Variants in LRRC7 observed in about 807,000 individuals in gnomAD.
LRRC7 encodes the protein leucine rich repeat containing 7.
A neutral mutation model predicts 175.7 loss-of-function variants in LRRC7; 23 were observed. The ratio of observed to expected loss-of-function variants is 0.13; its 90% CI spans 0.09 to 0.19. LRRC7 has a LOEUF of 0.19. Ranked by LOEUF, LRRC7 falls within the 10% of genes least tolerant of loss-of-function variation. LRRC7 has a pLI of 1.00. For missense variants in LRRC7, 1,354 were observed against 1,904.7 expected, an observed-to-expected ratio of 0.71 and a Z score of 5.38; for synonymous variants, 685 against 680.9, an observed-to-expected ratio of 1.01 and a Z score of -0.09.
intron 1 of LRRC7, among the ~76,000 whole-genome samples, chr1:69,572,237 C>T (rs1645767958): frequency 6.6e-6 from 1 of 152,072 alleles, no homozygotes; most frequent in South Asian, 2.1e-4. Flanking sequence ...CAGTCAACAT[C>T]AGTCTTCAAT....
At chr1:70,027,823 AAC>A (rs1321607133) in intron 17 of LRRC7, among the ~76,000 whole-genome samples, 108 of 152,340 alleles carry the variant, frequency 7.1e-4, no homozygotes, top group African/African-American at 2.5e-3. Flanking sequence ...TAGGGAAGAG[AAC>A]AGTGTCTAAA....
At chr1:69,998,504 C>T (rs1316078738) in intron 11 of LRRC7, among the ~76,000 whole-genome samples, 1 of 152,062 alleles carries the variant, frequency 6.6e-6, no homozygotes, top group Non-Finnish European at 1.5e-5. Context: ...GCAAAGAGAA[C>T]TTAAGTTTAG....
chr1:70,023,460 TG>T, intron 17 of LRRC7, 86 bp downstream of exon 17: 1 of 1,316,162 alleles, frequency 7.6e-7, no homozygotes, highest in Non-Finnish European at 1.0e-6. Context: ...CTGCATGATT[TG>T]GGGTAAGAAA....
At position 69,568,618 on chromosome 1, in the gene LRRC7, TG is replaced by T; in HGVS notation, c.-19del. 7.4e-7 allele frequency: 1 copy of T among 1,351,164 alleles called. No homozygotes were observed. The highest frequency in any genetic ancestry group is 9.8e-7 in the Non-Finnish European group (1 of 1,015,680). The allele number at this position is 1,351,164 out of a possible 1,614,324, so 83.7% of individuals were successfully genotyped here. On this transcript the variant is annotated 5_prime_UTR_variant, in exon 1 of 27. Transcript: ENST00000651989. ...CACGACTACGCTCTCCGAAACCTCA[TG>T]GGCAGTTTCTCCCGCCGGCGATGTG...
intron 2 of LRRC7, among the ~76,000 whole-genome samples, chr1:69,751,257 A>G (rs1289522264): frequency 4.6e-5 from 7 of 152,200 alleles, no homozygotes; most frequent in African/African-American, 1.7e-4. Flanking sequence ...AGCAGGCACC[A>G]TAGCTTTTTA....
chr1:69,788,709 C>A (rs532636058), intron 3 of LRRC7, among the ~76,000 whole-genome samples: 2 of 152,130 alleles, frequency 1.3e-5, no homozygotes, highest in South Asian at 4.1e-4. Flanking sequence ...CATTTTTTCA[C>A]ACCTTTCCTA....
intron 23 of LRRC7, among the ~76,000 whole-genome samples, chr1:70,054,699 A>T (rs1158541920): frequency 7.0e-6 from 1 of 142,538 alleles, no homozygotes; most frequent in Non-Finnish European, 1.5e-5. Flanking sequence ...TCCCAGGTTC[A>T]CGCCATTCTC....
At chr1:69,949,873 A>T (rs1649736133) in intron 8 of LRRC7, among the ~76,000 whole-genome samples, 1 of 152,106 alleles carries the variant, frequency 6.6e-6, no homozygotes, top group African/African-American at 2.4e-5. Context: ...GACATCCCAG[A>T]GGGACTCGTT....
chr1:69,968,826 GT>G (rs111997533), intron 8 of LRRC7, among the ~76,000 whole-genome samples: 42 of 147,410 alleles, frequency 2.8e-4, no homozygotes, highest in African/African-American at 5.7e-4. Context: ...TTTTGTTTTT[GT>G]TTTTTTTTTG....
chr1:69,584,423 C>T (rs1315534610), intron 1 of LRRC7, among the ~76,000 whole-genome samples: 1 of 152,066 alleles, frequency 6.6e-6, no homozygotes, highest in Non-Finnish European at 1.5e-5. Flanking sequence ...TAGTAGCATG[C>T]ATAGTTGAAT....
At chr1:69,678,619 CAT>C in intron 2 of LRRC7, 141 bp downstream of exon 2, 1 of 610,588 alleles carries the variant, frequency 1.6e-6, no homozygotes, top group Middle Eastern at 3.4e-4. Flanking sequence ...AATAAGTTAC[CAT>C]ATGTTACCTG....
intron 7 of LRRC7, chr1:69,839,091 A>T: frequency 3.4e-6 from 1 of 291,022 alleles, no homozygotes; most frequent in South Asian, 3.1e-5. Context: ...TAATTTTTTA[A>T]ACATTTCAGT....
At chr1:69,833,782 G>C (rs1680809177) in intron 5 of LRRC7, among the ~76,000 whole-genome samples, 1 of 151,922 alleles carries the variant, frequency 6.6e-6, no homozygotes, top group Non-Finnish European at 1.5e-5. Flanking sequence ...TGGAGGCCTT[G>C]GTGAGTGCAT....
chr1:69,686,955 T>C (rs565655114), intron 2 of LRRC7, among the ~76,000 whole-genome samples: 2 of 152,250 alleles, frequency 1.3e-5, no homozygotes, highest in African/African-American at 4.8e-5. Flanking sequence ...AGAGTGACTA[T>C]ATTAATATCA....
At chr1:69,908,228 AT>A (rs1335212590) in intron 7 of LRRC7, among the ~76,000 whole-genome samples, 4 of 152,074 alleles carry the variant, frequency 2.6e-5, no homozygotes, top group African/African-American at 7.3e-5. Flanking sequence ...GGATTCATTA[AT>A]TTTTTGAAGG....
chr1:69,795,755 T>A (rs924098532), intron 4 of LRRC7, among the ~76,000 whole-genome samples: 1 of 152,122 alleles, frequency 6.6e-6, no homozygotes. Flanking sequence ...GCCTCCTACC[T>A]TTATTTTTCA....
chr1:69,682,452 C>G (rs1433984220), intron 2 of LRRC7, among the ~76,000 whole-genome samples: 5 of 152,232 alleles, frequency 3.3e-5, no homozygotes, highest in African/African-American at 4.8e-5. Flanking sequence ...ATCCATCAAG[C>G]ATTGTTTTCA....
chr1:70,044,359 G>T (rs990808104), intron 22 of LRRC7, among the ~76,000 whole-genome samples: 1 of 151,966 alleles, frequency 6.6e-6, no homozygotes, highest in African/African-American at 2.4e-5. Context: ...TTGCTTCAAG[G>T]TTCATTTTTC....
At chr1:69,929,272 T>C (rs1297663769) in intron 7 of LRRC7, among the ~76,000 whole-genome samples, 1 of 151,930 alleles carries the variant, frequency 6.6e-6, no homozygotes, top group Non-Finnish European at 1.5e-5. Flanking sequence ...CCTAGACTCT[T>C]TTCTTGATGT....
Sources: allele counts gnomAD v4.1 joint callset (sites outside exome capture counted in the v4.1 genomes callset), GRCh38; gene constraint gnomAD v4.1.1; transcripts MANE v1.5; gene names NCBI Gene and HGNC (gene_info 2026-07-23, HGNC 2026-07-21).